NR5A2: variants seen among roughly 807,000 people sequenced by gnomAD.
NR5A2 encodes the protein nuclear receptor subfamily 5 group A member 2.
Under a neutral mutation model 62.7 loss-of-function variants are expected in NR5A2, and 26 were observed. The ratio of observed to expected loss-of-function variants is 0.41; its 90% CI spans 0.30 to 0.58. NR5A2 has a LOEUF of 0.58. NR5A2 is among the 20% of genes least tolerant of loss of function. The pLI is 0.22. For synonymous variants in NR5A2, 246 were observed against 241.7 expected (o/e 1.02, Z -0.16); for missense variants, 541 against 669.1 (o/e 0.81, Z 2.11).
At chr1:200,165,860 C>T (rs538217068) in intron 7 of NR5A2, among the ~76,000 whole-genome samples, 1 of 152,314 alleles carries the variant, frequency 6.6e-6, no homozygotes, top group African/African-American at 2.4e-5. Flanking sequence ...ACCATTTAAA[C>T]GTATACAGTT....
At chr1:200,031,558 TTTTC>T (rs200646432) in intron 1 of NR5A2, among the ~76,000 whole-genome samples, 3,142 of 150,598 alleles carry the variant, frequency 0.021, 107 homozygotes, top group African/African-American at 0.069. Flanking sequence ...AAGGATTTCT[TTTTC>T]TTTAACACCT....
rs967840458 is a variant in NR5A2 at position 200,147,608 on chromosome 1, C to T, written c.1379-26355C>T. 1.3e-5 allele frequency: 9 copies of T among 717,794 alleles called. No individual in the cohort carries two copies. In the East Asian group the frequency reaches 2.8e-4, roughly 22 times the overall value. The allele number at this position is 717,794 out of a possible 1,614,324, so 44.5% of individuals were successfully genotyped here. Reference sequence around the variant, plus strand: ...CGAACGCTAGGGCAGAGCACATTTTCGCACAGGCAGCGCCGCAGCTTGCCC... The same window carrying T: ...CGAACGCTAGGGCAGAGCACATTTTTGCACAGGCAGCGCCGCAGCTTGCCC... On this transcript the variant is annotated intron_variant, in intron 7 of 7. Transcript: ENST00000367362. The surrounding 1 kb of genome is among the most constrained non-coding windows in gnomAD (Gnocchi z 4.9).
chr1:200,109,804 A>T (rs541507500), intron 5 of NR5A2, among the ~76,000 whole-genome samples: 1 of 152,324 alleles, frequency 6.6e-6, no homozygotes, highest in Non-Finnish European at 1.5e-5. Context: ...TTGCTCTGTC[A>T]CCCAGGCTGG....
rs536710464 is a variant in NR5A2, at chr1:200,095,840, C to T, written c.1111-15362C>T. ...GTGCTGGGATTACAGGTGTGAGCCC[C>T]CGCGCCCGGCCAGCAAGTAATATTT... On this transcript the variant is annotated intron_variant, in intron 5 of 7. Transcript: ENST00000367362. Among the ~76,000 whole-genome samples, 8 of 152,236 alleles carry T rather than the reference C, an allele frequency of 5.3e-5. No homozygotes were observed. In the South Asian group the frequency reaches 1.7e-3, roughly 32 times the overall value.
intron 5 of NR5A2, among the ~76,000 whole-genome samples, chr1:200,053,569 G>GCA (rs34611924): frequency 0.21 from 29,842 of 141,598 alleles, 3,653 homozygotes; most frequent in Non-Finnish European, 0.3. Flanking sequence ...GCATGCACAC[G>GCA]CACACACACA....
chr1:200,091,405 T>A (rs1008042626), intron 5 of NR5A2, among the ~76,000 whole-genome samples: 1 of 152,036 alleles, frequency 6.6e-6, no homozygotes, highest in Non-Finnish European at 1.5e-5. Context: ...GAGTTCACAC[T>A]GATCTGCTGG....
In NR5A2 at chr1:200,039,788, C is replaced by T. The variant is rs1661974750; in HGVS notation, c.195C>T (p.Asn65=). The T allele has an allele frequency of 1.2e-6, 2 of 1,603,570 alleles. No individual in the cohort carries two copies. Among genetic ancestry groups the T allele is most frequent in the Non-Finnish European group, 1.7e-6 (2 of 1,175,508 alleles). The change falls in exon 2 of 8, where the codon AAC becomes AAT. Residue 65 remains asparagine, a synonymous_variant. Coordinates refer to ENST00000367362, the MANE Select transcript of NR5A2 (RefSeq NM_205860.3). The surrounding 1 kb of genome is among the most constrained non-coding windows in gnomAD (Gnocchi z 5.1). ...GGGAACAGGGCCAGATGCCGGAAAACATGCAAGGTAAGGAGGCGCCGCGCG... is the reference window on the plus strand; with the variant it reads ...GGGAACAGGGCCAGATGCCGGAAAATATGCAAGGTAAGGAGGCGCCGCGCG... ...SHGEQGQMPE[N]MQVSQFKMVN...
chr1:200,080,919 G>A (rs776133064), intron 5 of NR5A2, among the ~76,000 whole-genome samples: 3 of 152,110 alleles, frequency 2.0e-5, no homozygotes, highest in Non-Finnish European at 2.9e-5. Context: ...CTGGCCATTG[G>A]CCCCTGTTAA....
intron 5 of NR5A2, among the ~76,000 whole-genome samples, chr1:200,105,232 T>A (rs1446522945): frequency 6.6e-6 from 1 of 152,138 alleles, no homozygotes; most frequent in East Asian, 1.9e-4. Context: ...ATTGTTGGGA[T>A]TACAGGCATG....
rs537395380 is a variant in NR5A2 at position 200,176,548 on chromosome 1, G to A, written c.*2338G>A. The A allele has an allele frequency of 6.6e-6, 1 of 152,212 alleles. No homozygotes were observed. The highest frequency in any genetic ancestry group is 1.5e-5 in the Non-Finnish European group (1 of 68,040). The allele number at this position is 152,212 out of a possible 1,614,324, so 9.4% of individuals were successfully genotyped here. ...AGGAATGGTGTGGTCAACAGTTAAT[G>A]AAACGGTTCTATCATGCATGTGTAA... On this transcript the variant is annotated 3_prime_UTR_variant, in exon 8 of 8. Transcript: ENST00000367362.
rs963671920 is a variant in NR5A2, at chr1:200,039,505, A to C, written c.65-153A>C. On this transcript the variant is annotated intron_variant, in intron 1 of 7. Transcript: ENST00000367362. This position sits in a 1 kb window ranked among gnomAD's most constrained non-coding sequence, Gnocchi z 5.1. Reference sequence around the variant, plus strand: ...CCTCGCAGCTTGGGGGCGGCTCCGGAGCTGCGAGACCGGACAGGGCTCAGA... The same window carrying C: ...CCTCGCAGCTTGGGGGCGGCTCCGGCGCTGCGAGACCGGACAGGGCTCAGA... 6.6e-6 allele frequency among the ~76,000 whole-genome samples: 1 copy of C among 151,910 alleles called. No individual in the cohort carries two copies. The highest frequency in any genetic ancestry group is 2.4e-5 in the African/African-American group (1 of 41,370).
At chr1:200,067,988 C>T (rs1440144060) in intron 5 of NR5A2, among the ~76,000 whole-genome samples, 1 of 152,270 alleles carries the variant, frequency 6.6e-6, no homozygotes, top group East Asian at 1.9e-4. Context: ...TATTTTTCTC[C>T]TTCAGTATGA....
At chr1:200,062,224 A>ATT (rs1004852935) in intron 5 of NR5A2, among the ~76,000 whole-genome samples, 2 of 55,532 alleles carry the variant, frequency 3.6e-5, no homozygotes, top group East Asian at 4.8e-4. Context: ...TCCCTGGCAG[A>ATT]TTTTGTGTGT....
intron 5 of NR5A2, among the ~76,000 whole-genome samples, chr1:200,078,102 G>T (rs144996080): frequency 4.3e-4 from 65 of 152,300 alleles, no homozygotes; most frequent in African/African-American, 1.5e-3. Flanking sequence ...TGCTCCAAAC[G>T]TGGGCATCAG....
intron 1 of NR5A2, among the ~76,000 whole-genome samples, chr1:200,034,601 G>T (rs2817002): frequency 7.6e-6 from 1 of 130,852 alleles, no homozygotes; most frequent in South Asian, 2.9e-4. Context: ...GTTGCCCGGG[G>T]GGGTGGGTGG....
intron 5 of NR5A2, among the ~76,000 whole-genome samples, chr1:200,107,831 A>T (rs542798286): frequency 2.7e-5 from 4 of 150,098 alleles, no homozygotes; most frequent in African/African-American, 1.0e-4. Flanking sequence ...GGGTTTCACC[A>T]TGTTGGCCAG....
At chr1:200,145,547 G>C (rs956885885) in intron 7 of NR5A2, among the ~76,000 whole-genome samples, 48 of 151,342 alleles carry the variant, frequency 3.2e-4, no homozygotes, top group African/African-American at 1.1e-3. Flanking sequence ...AAAATCAAGA[G>C]AATCCACATA....
chr1:200,149,007 G>A (rs969340177), intron 7 of NR5A2, among the ~76,000 whole-genome samples: 3 of 151,576 alleles, frequency 2.0e-5, no homozygotes, highest in African/African-American at 4.9e-5. Context: ...ACAACTCTTG[G>A]GTTCAAACAA....
At chr1:200,097,787 G>A (rs1346409781) in intron 5 of NR5A2, among the ~76,000 whole-genome samples, 1 of 152,076 alleles carries the variant, frequency 6.6e-6, no homozygotes, top group Non-Finnish European at 1.5e-5. Context: ...GGGTGGGAAT[G>A]GGAAAGGCAG....
Sources: allele counts gnomAD v4.1 joint callset (sites outside exome capture counted in the v4.1 genomes callset), GRCh38; gene constraint gnomAD v4.1.1; non-coding constraint Gnocchi (gnomAD v3.1); transcripts MANE v1.5; gene names NCBI Gene and HGNC (gene_info 2026-07-23, HGNC 2026-07-21).